LYZL2: variants seen among roughly 807,000 people sequenced by gnomAD.
The protein encoded by LYZL2 is lysozyme-like protein 2.
In LYZL2, 13 loss-of-function variants were observed where a neutral mutation model predicts 17.1. The observed-to-expected ratio is 0.76, with a 90% CI of 0.49 to 1.21. The LOEUF is 1.21. Ranked by LOEUF, LYZL2 falls within the 50% of genes most tolerant of loss-of-function variation. The pLI, the probability that LYZL2 is intolerant of heterozygous loss-of-function variation, is 0.00. For synonymous variants in LYZL2, 63 were observed against 74.4 expected, an observed-to-expected ratio of 0.85 and a Z score of 0.79; for missense variants, 166 against 189.2, an observed-to-expected ratio of 0.88 and a Z score of 0.72.
chr10:30,619,422 C>A (rs1043974853), intron 3 of LYZL2, among the ~76,000 whole-genome samples: 3 of 152,074 alleles, frequency 2.0e-5, no homozygotes, highest in Non-Finnish European at 4.4e-5. Context: ...GATTTGGAAC[C>A]AACCCAAATG....
At position 30,626,812 on chromosome 10, in the gene LYZL2, C is replaced by A; in HGVS notation, c.104G>T (p.Gly35Val). 1 of 1,614,234 alleles carries A rather than the reference C, an allele frequency of 6.2e-7. No individual in the cohort carries two copies. Among genetic ancestry groups the A allele is most frequent in the South Asian group, 1.1e-5 (1 of 91,088 alleles). The change falls in exon 2 of 5, where the codon GGC (glycine) becomes GTC (valine). Residue 35 changes from glycine to valine, a missense_variant. Physicochemically the swap from Gly to Val is moderately radical, Grantham distance 109. Around this residue, in one of 2 missense-constraint regions of LYZL2, gnomAD observed 32 missense variants for 59.8 expected, o/e 0.53. Transcript: ENST00000647634. ...CKLAKIFSRA[G>V]LDNYWGFSLG... ...GCTGAAGCCCCAGTAATTGTCCAGG[C>A]CAGCCCTCGAGAATATTTTTGCCAG...
chr10:30,626,665 G>A (rs1838712072), intron 2 of LYZL2, 112 bp downstream of exon 2: 2 of 1,522,798 alleles, frequency 1.3e-6, no homozygotes, highest in Non-Finnish European at 1.8e-6. Flanking sequence ...TGGGTGTGGT[G>A]AGGGCAGAGC....
Position 30,627,333 on chromosome 10 carries a change from T to A in LYZL2, c.-25-393A>T, listed in dbSNP as rs371514146. ...TTGAACATCATGGGTTTGAACTGCGTGGGTCCATTTATCCGTGAATTTTCT... is the reference window on the plus strand; with the variant it reads ...TTGAACATCATGGGTTTGAACTGCGAGGGTCCATTTATCCGTGAATTTTCT... On this transcript the variant is annotated intron_variant, in intron 1 of 4. Coordinates refer to ENST00000647634, the MANE Select transcript of LYZL2 (RefSeq NM_183058.3). 2.6e-5 allele frequency among the ~76,000 whole-genome samples: 4 copies of A among 151,870 alleles called. No individual in the cohort carries two copies. In the East Asian group the frequency reaches 7.7e-4, roughly 29 times the overall value.
intron 1 of LYZL2, among the ~76,000 whole-genome samples, chr10:30,628,419 G>C (rs1246026669): frequency 6.6e-6 from 1 of 152,166 alleles, no homozygotes; most frequent in Admixed American, 6.5e-5. Flanking sequence ...AAGCACCTGG[G>C]GGAGCAGAGG....
At chr10:30,620,529 T>C (rs1258063548) in intron 3 of LYZL2, among the ~76,000 whole-genome samples, 1 of 152,238 alleles carries the variant, frequency 6.6e-6, no homozygotes, top group African/African-American at 2.4e-5. Context: ...TTTGTTGAAA[T>C]TCTTTTAAAC....
intron 1 of LYZL2, among the ~76,000 whole-genome samples, chr10:30,627,665 T>C (rs1433714944): frequency 6.6e-6 from 1 of 152,186 alleles, no homozygotes; most frequent in Non-Finnish European, 1.5e-5. Context: ...CTGTTCATGT[T>C]ATTGGTAAGG....
chr10:30,620,256 A>G (rs931410037), intron 3 of LYZL2, among the ~76,000 whole-genome samples: 7 of 152,256 alleles, frequency 4.6e-5, no homozygotes, highest in African/African-American at 1.7e-4. Context: ...AATCATGTAC[A>G]GCTACTGAGT....
chr10:30,613,099 T>C (rs1333506557), intron 3 of LYZL2, among the ~76,000 whole-genome samples, 199 bp from the exon 4 acceptor site: 1 of 152,250 alleles, frequency 6.6e-6, no homozygotes, highest in Non-Finnish European at 1.5e-5. Flanking sequence ...TAAGACCATC[T>C]TCATCTTGCA....
Position 30,629,590 on chromosome 10 carries a change from T to C in LYZL2, c.-26+3A>G, listed in dbSNP as rs1838774293. On this transcript the variant is annotated splice_donor_region_variant and intron_variant, in intron 1 of 4. Transcript: ENST00000647634. ...GGCTTCATAAGAGTAATTTAGGTCT[T>C]ACTGAAAAGGCAGATTCCTGGTGCC... is the stretch of plus-strand genomic sequence containing the variant. 6.2e-7 allele frequency: 1 copy of C among 1,613,940 alleles called. No homozygotes were observed. The highest frequency in any genetic ancestry group is 8.5e-7 in the Non-Finnish European group (1 of 1,179,880).
intron 1 of LYZL2, among the ~76,000 whole-genome samples, chr10:30,627,546 T>C (rs993139788): frequency 3.8e-4 from 58 of 152,226 alleles, no homozygotes; most frequent in African/African-American, 1.3e-3. Flanking sequence ...AAATAGTAAA[T>C]ATATCTTCTC....
At chr10:30,615,959 C>T (rs1426637512) in intron 3 of LYZL2, among the ~76,000 whole-genome samples, 1 of 152,066 alleles carries the variant, frequency 6.6e-6, no homozygotes, top group East Asian at 1.9e-4. Context: ...TTCACCAATG[C>T]TTTTATGTCT....
At chr10:30,627,853 G>A (rs569774211) in intron 1 of LYZL2, among the ~76,000 whole-genome samples, 1 of 152,296 alleles carries the variant, frequency 6.6e-6, no homozygotes, top group South Asian at 2.1e-4. Context: ...GGACCTGAAT[G>A]GAAAACTTTA....
chr10:30,616,722 C>A (rs1314135874), intron 3 of LYZL2, among the ~76,000 whole-genome samples: 1 of 152,156 alleles, frequency 6.6e-6, no homozygotes, highest in Non-Finnish European at 1.5e-5. Context: ...CCCCATAAAC[C>A]AAGTTCACAC....
downstream of LYZL2, among the ~76,000 whole-genome samples, chr10:30,607,873 T>A (rs945406242): frequency 3.9e-5 from 6 of 152,182 alleles, no homozygotes; most frequent in African/African-American, 1.4e-4. Flanking sequence ...GTCGGACCCT[T>A]CAAGACAGAA....
chr10:30,612,954 C>A (rs1838468506), intron 3 of LYZL2, 54 bp from the exon 4 acceptor site: 2 of 1,385,078 alleles, frequency 1.4e-6, no homozygotes, highest in Non-Finnish European at 2.0e-6. Flanking sequence ...TGGAGAGGGA[C>A]CCCAACTCAA....
In LYZL2 at chr10:30,626,250, C is replaced by A. The variant is rs1133364; in HGVS notation, c.153G>T (p.Ala51=). 6.2e-7 allele frequency: 1 copy of A among 1,614,052 alleles called. No homozygotes were observed. Among genetic ancestry groups the A allele is most frequent in the Non-Finnish European group, 8.5e-7 (1 of 1,179,924 alleles). ...TGGTGTTGTAGCCGCTCTCATAATA[C>A]GCCATGCAGATCCCTGGAGGGGGGA... ...GFSLGNWICM[A]YYESGYNTTA... Residue 51 remains alanine (A), a synonymous_variant, in exon 3 of 5, where the codon GCG becomes GCT. Coordinates refer to ENST00000647634, the MANE Select transcript of LYZL2 (RefSeq NM_183058.3).
chr10:30,611,296 C>G (rs1392277571), downstream of LYZL2, among the ~76,000 whole-genome samples: 1 of 151,684 alleles, frequency 6.6e-6, no homozygotes, highest in Non-Finnish European at 1.5e-5. Context: ...CCAAGGTGGG[C>G]AGATCACCTT....
At chr10:30,609,420 C>A (rs571025984), downstream of LYZL2, among the ~76,000 whole-genome samples, 37 of 152,268 alleles carry the variant, frequency 2.4e-4, no homozygotes, top group African/African-American at 8.9e-4. Flanking sequence ...AAACCAGGAG[C>A]AAGGACATCT....
chr10:30,626,925 C>G lies in LYZL2; in HGVS notation c.-10G>C, dbSNP rs767487532. The G allele has an allele frequency of 1.6e-5, 26 of 1,612,742 alleles. No homozygotes were observed. The highest frequency in any genetic ancestry group is 2.2e-5 in the Non-Finnish European group (26 of 1,179,448). On this transcript the variant is annotated 5_prime_UTR_variant, in exon 2 of 5. Coordinates refer to ENST00000647634, the MANE Select transcript of LYZL2 (RefSeq NM_183058.3). ...TGCCCGCAGCCTTCATCCTCAAAGC[C>G]TGCCGGAGACAGAACCTGCCAAAGA...
Sources: gnomAD v4.1 joint callset for allele counts (sites outside exome capture counted in the v4.1 genomes callset) on GRCh38, gnomAD v4.1.1 for gene constraint, gnomAD v4.1.1 regional missense constraint, MANE v1.5 for transcripts, NCBI Gene and HGNC (gene_info 2026-07-23, HGNC 2026-07-21) for gene names.